NREP: variants seen among roughly 807,000 people sequenced by gnomAD.
NREP encodes the protein neuronal regeneration related protein.
NREP carries 5 observed loss-of-function variants against 8.6 expected under a neutral mutation model. The ratio of observed to expected loss-of-function variants is 0.58; its 90% CI spans 0.30 to 1.22. NREP has a LOEUF of 1.22. Among genes scored for constraint, NREP ranks in the 50% most tolerant of loss-of-function variants. The pLI, the probability that NREP is intolerant of heterozygous loss-of-function variation, is 0.07. For synonymous variants in NREP, 27 were observed against 28.0 expected (o/e 0.96, Z 0.11); for missense variants, 86 against 82.5 (o/e 1.04, Z -0.17).
intron 3 of NREP, chr5:111,734,855 T>G (rs1349574914): frequency 4.3e-6 from 2 of 466,596 alleles, no homozygotes; most frequent in East Asian, 3.3e-5. Flanking sequence ...TGGTAAGTAG[T>G]TGTTATTGTT....
intron 2 of NREP, among the ~76,000 whole-genome samples, chr5:111,972,910 A>G (rs921666396): frequency 9.2e-5 from 14 of 152,178 alleles, no homozygotes; most frequent in Admixed American, 6.5e-4. Flanking sequence ...GATGTTCCTT[A>G]TTCCATAAGC....
intron 2 of NREP, among the ~76,000 whole-genome samples, chr5:111,923,784 T>C (rs1755310777): frequency 6.6e-6 from 1 of 152,190 alleles, no homozygotes; most frequent in Non-Finnish European, 1.5e-5. Context: ...TTCTGACATG[T>C]AAAGACTGAA....
At chr5:111,882,855 C>T (rs1561708870) in intron 2 of NREP, among the ~76,000 whole-genome samples, 1 of 152,246 alleles carries the variant, frequency 6.6e-6, no homozygotes, top group Admixed American at 6.5e-5. Context: ...ACAACCGGTA[C>T]CAGCCACTGC....
intron 2 of NREP, among the ~76,000 whole-genome samples, chr5:111,783,857 G>A (rs9326843): frequency 0.56 from 84,464 of 151,938 alleles, 23,734 homozygotes; most frequent in South Asian, 0.63. Flanking sequence ...TGAATAATGA[G>A]TGTTAAATGA....
intron 2 of NREP, among the ~76,000 whole-genome samples, chr5:111,960,717 T>C (rs566448307): frequency 6.6e-6 from 1 of 152,288 alleles, no homozygotes; most frequent in African/African-American, 2.4e-5. Flanking sequence ...AACATGGGAT[T>C]TACACTTAAC....
At chr5:111,880,356 G>A (rs747731035) in intron 2 of NREP, among the ~76,000 whole-genome samples, 1 of 152,182 alleles carries the variant, frequency 6.6e-6, no homozygotes, top group Non-Finnish European at 1.5e-5. Context: ...AGACGAGGTG[G>A]CTTAAACAAT....
At chr5:111,953,554 C>T (rs1224429407) in intron 2 of NREP, among the ~76,000 whole-genome samples, 3 of 151,936 alleles carry the variant, frequency 2.0e-5, no homozygotes, top group Non-Finnish European at 2.9e-5. Flanking sequence ...CACTATTTAC[C>T]GCAGGCCAAC....
intron 2 of NREP, among the ~76,000 whole-genome samples, chr5:111,934,235 A>C (rs903918251): frequency 1.3e-5 from 2 of 152,046 alleles, no homozygotes; most frequent in African/African-American, 4.8e-5. Flanking sequence ...CATTGCGGGC[A>C]TACGTTGGGT....
intron 2 of NREP, among the ~76,000 whole-genome samples, chr5:111,752,978 T>C (rs1174942956): frequency 6.6e-6 from 1 of 151,850 alleles, no homozygotes; most frequent in Non-Finnish European, 1.5e-5. Flanking sequence ...TCATGTAAAA[T>C]ACAATCATAG....
rs191348346 is a variant in NREP, at chr5:111,966,916, G to A, written c.135+8358C>T. 7.2e-5 allele frequency among the ~76,000 whole-genome samples: 11 copies of A among 152,262 alleles called. No individual in the cohort carries two copies. The East Asian group carries it at 1.7e-3, about 24-fold the overall frequency. ...TGAATACCAGCACAGCTTCTCCAGG[G>A]GTTAGGCATGGAAGAATGGCTGTGC... On this transcript the variant is annotated intron_variant, in intron 2 of 3. Coordinates refer to the NREP transcript ENST00000395634.
chr5:111,857,115 G>C (rs1753443309), intron 2 of NREP, among the ~76,000 whole-genome samples: 1 of 152,152 alleles, frequency 6.6e-6, no homozygotes, highest in South Asian at 2.1e-4. Context: ...CAAAGTGCTT[G>C]TGCTTGATTT....
intron 2 of NREP, among the ~76,000 whole-genome samples, chr5:111,883,841 T>C (rs530328868): frequency 0.037 from 5,664 of 152,168 alleles, 375 homozygotes; most frequent in African/African-American, 0.13. Flanking sequence ...GAGGGAAATT[T>C]ATAGCACTAA....
intron 2 of NREP, among the ~76,000 whole-genome samples, chr5:111,807,301 C>A (rs1752165022): frequency 6.6e-6 from 1 of 152,048 alleles, no homozygotes; most frequent in Non-Finnish European, 1.5e-5. Flanking sequence ...CTAACTTTAT[C>A]AAGTCCCATC....
intron 2 of NREP, among the ~76,000 whole-genome samples, chr5:111,781,479 G>A (rs1449233113): frequency 6.6e-5 from 10 of 152,266 alleles, no homozygotes; most frequent in African/African-American, 2.4e-4. Flanking sequence ...CAGTCTTGGA[G>A]TTTTGCAGCT....
intron 2 of NREP, among the ~76,000 whole-genome samples, chr5:111,767,317 T>G (rs1751108279): frequency 1.3e-5 from 2 of 152,174 alleles, no homozygotes; most frequent in South Asian, 4.1e-4. Flanking sequence ...TCTTATTAGT[T>G]TCCGAAGAAT....
intron 2 of NREP, among the ~76,000 whole-genome samples, chr5:111,844,534 AT>A (rs1349512996): frequency 1.3e-5 from 2 of 151,054 alleles, no homozygotes; most frequent in African/African-American, 4.8e-5. Context: ...GTAATATTTA[AT>A]AGGAAATACA....
At chr5:111,910,252 T>C (rs1272302297) in intron 2 of NREP, among the ~76,000 whole-genome samples, 1 of 152,020 alleles carries the variant, frequency 6.6e-6, no homozygotes, top group African/African-American at 2.4e-5. Context: ...TAATACTCAG[T>C]TTAGTCTTTG....
At chr5:111,889,737 A>G (rs1187033298) in intron 2 of NREP, among the ~76,000 whole-genome samples, 1 of 152,214 alleles carries the variant, frequency 6.6e-6, no homozygotes, top group Non-Finnish European at 1.5e-5. Flanking sequence ...TTGTGTGAGC[A>G]ACACAGCTGT....
intron 2 of NREP, among the ~76,000 whole-genome samples, chr5:111,914,012 G>T (rs557694261): frequency 1.2e-4 from 18 of 152,210 alleles, no homozygotes; most frequent in South Asian, 1.0e-3. Flanking sequence ...GTGGCTGCTG[G>T]TACTTTTAGA....
Sources: allele counts gnomAD v4.1 joint callset (sites outside exome capture counted in the v4.1 genomes callset), GRCh38; gene constraint gnomAD v4.1.1; transcripts MANE v1.5; gene names NCBI Gene and HGNC (gene_info 2026-07-23, HGNC 2026-07-21).